The following DCAF6 variants were observed in gnomAD, a reference collection of about 807,000 sequenced individuals.
The protein encoded by DCAF6 is DDB1 and CUL4 associated factor 6, also known as DDB1- and CUL4-associated factor 6.
In DCAF6, 54 loss-of-function variants were observed where a neutral mutation model predicts 125.1. The observed-to-expected ratio is 0.43, with a 90% CI of 0.35 to 0.54. The LOEUF is 0.54. Among genes scored for constraint, DCAF6 ranks in the 20% least tolerant of loss-of-function variants. The pLI is 0.01. For missense variants in DCAF6, 934 were observed against 1,161.7 expected, an observed-to-expected ratio of 0.80 and a Z score of 2.85; for synonymous variants, 371 against 390.4, an observed-to-expected ratio of 0.95 and a Z score of 0.58.
chr1:167,880,241 C>A, the DCAF6 span: 1 of 1,496,246 alleles, frequency 6.7e-7, no homozygotes, highest in Non-Finnish European at 9.3e-7. Context: ...AGATAATGAG[C>A]GTAGAGAAAG....
the DCAF6 span, among the ~76,000 whole-genome samples, chr1:167,879,070 C>T: frequency 1.3e-5 from 2 of 152,110 alleles, no homozygotes; most frequent in East Asian, 1.9e-4. Flanking sequence ...CTTCATTTGG[C>T]GATTTCTCGA....
the DCAF6 span, among the ~76,000 whole-genome samples, chr1:167,925,762 T>C: frequency 6.6e-6 from 1 of 151,888 alleles, no homozygotes; most frequent in Non-Finnish European, 1.5e-5. Context: ...TTGGCCAGGC[T>C]GGTCTCAAAC....
At chr1:167,965,064 T>C (rs895684870) in intron 2 of DCAF6, among the ~76,000 whole-genome samples, 2 of 152,210 alleles carry the variant, frequency 1.3e-5, no homozygotes, top group Non-Finnish European at 2.9e-5. Context: ...TCCCTTCAAA[T>C]TGTATTTTTG....
At chr1:168,031,776 G>A (rs1164175340) in intron 12 of DCAF6, among the ~76,000 whole-genome samples, 1 of 152,064 alleles carries the variant, frequency 6.6e-6, no homozygotes, top group Non-Finnish European at 1.5e-5. Flanking sequence ...GATTTTGGCA[G>A]GACTCATGTG....
intron 1 of DCAF6, 134 bp downstream of exon 1, chr1:167,937,142 C>A (rs1187232352): frequency 4.2e-6 from 3 of 715,392 alleles, no homozygotes; most frequent in African/African-American, 1.8e-5. Flanking sequence ...TTGGGTGGGG[C>A]CTTGGTTGCC....
chr1:167,895,279 T>C, the DCAF6 span, among the ~76,000 whole-genome samples: 1 of 151,898 alleles, frequency 6.6e-6, no homozygotes, highest in Non-Finnish European at 1.5e-5. Flanking sequence ...ACCCAGGAGA[T>C]GGCATTAGTA....
At chr1:167,882,484 CAAAAAAAAAA>C in the DCAF6 span, among the ~76,000 whole-genome samples, 6 of 71,142 alleles carry the variant, frequency 8.4e-5, no homozygotes, top group African/African-American at 2.0e-4. Context: ...GATTCCGTCT[CAAAAAAAAAA>C]AAAAAAAAAA....
At chr1:167,944,390 A>G (rs574491851) in intron 1 of DCAF6, among the ~76,000 whole-genome samples, 6 of 152,330 alleles carry the variant, frequency 3.9e-5, no homozygotes, top group Non-Finnish European at 7.3e-5. Context: ...AGAAATCTCC[A>G]TACTGTTTTC....
chr1:167,891,668 A>AAAAG, the DCAF6 span, among the ~76,000 whole-genome samples: 1 of 151,504 alleles, frequency 6.6e-6, no homozygotes, highest in African/African-American at 2.4e-5. Flanking sequence ...AAAAAAAAAA[A>AAAAG]AAAGAAAGAA....
Position 168,004,777 on chromosome 1 carries a change from C to T in DCAF6, c.1362C>T (p.His454=), listed in dbSNP as rs1193424301. 1 of 1,613,906 alleles carries T rather than the reference C, an allele frequency of 6.2e-7. No individual in the cohort carries two copies. Among genetic ancestry groups the T allele is most frequent in the African/African-American group, 1.3e-5 (1 of 75,044 alleles). Residue 454 remains histidine (H), a synonymous_variant, in exon 10 of 22, where the codon CAC becomes CAT. Coordinates refer to ENST00000367840, the MANE Select transcript of DCAF6 (RefSeq NM_001198956.2). ...AGTCTGTTGAGGCATCTGGACACCACACACATCATCAGTCTGGTGAGGATA... is the reference window on the plus strand; with the variant it reads ...AGTCTGTTGAGGCATCTGGACACCATACACATCATCAGTCTGGTGAGGATA... ...QRQSVEASGH[H]THHQSEFLRG... is the part of the protein sequence containing the mutation.
intron 10 of DCAF6, among the ~76,000 whole-genome samples, chr1:168,007,278 C>CT (rs1014525475): frequency 9.9e-5 from 15 of 152,090 alleles, no homozygotes; most frequent in East Asian, 1.9e-4. Flanking sequence ...TTATCATTGC[C>CT]TTTTTTTGCC....
the DCAF6 span, among the ~76,000 whole-genome samples, chr1:167,921,608 T>C: frequency 6.6e-6 from 1 of 152,214 alleles, no homozygotes; most frequent in Non-Finnish European, 1.5e-5. Flanking sequence ...ATTGCACTCA[T>C]GCGTTTTTGC....
chr1:167,880,813 C>T, the DCAF6 span, among the ~76,000 whole-genome samples: 1 of 152,164 alleles, frequency 6.6e-6, no homozygotes, highest in Non-Finnish European at 1.5e-5. Context: ...TTGAGAAGGG[C>T]TTGTTTTGCT....
At chr1:168,026,029 AC>A (rs2103266723) in intron 12 of DCAF6, among the ~76,000 whole-genome samples, 1 of 152,004 alleles carries the variant, frequency 6.6e-6, no homozygotes, top group Non-Finnish European at 1.5e-5. Context: ...CTCTACCAAA[AC>A]TACTTTTTTG....
chr1:168,038,030 A>C (rs1688065412), intron 12 of DCAF6, among the ~76,000 whole-genome samples: 1 of 152,208 alleles, frequency 6.6e-6, no homozygotes. Context: ...CTGAGGAATT[A>C]TGAGCATTCC....
At chr1:167,878,139 G>T in the DCAF6 span, among the ~76,000 whole-genome samples, 1 of 152,144 alleles carries the variant, frequency 6.6e-6, no homozygotes, top group African/African-American at 2.4e-5. Flanking sequence ...TAAATGGTTG[G>T]TGATTGGGCC....
intron 12 of DCAF6, among the ~76,000 whole-genome samples, chr1:168,036,831 A>G (rs1190601296): frequency 2.0e-5 from 3 of 152,368 alleles, no homozygotes; most frequent in Non-Finnish European, 4.4e-5. Context: ...GAGTTGTTTA[A>G]AAGACATAAT....
Position 167,937,145 on chromosome 1 carries a change from T to C in DCAF6, c.97+137T>C. ...GACTCTGGGGTGTTGGGTGGGGCCTTGGTTGCCGAATTCCGTGCCGGTGCC... is the reference window on the plus strand; with the variant it reads ...GACTCTGGGGTGTTGGGTGGGGCCTCGGTTGCCGAATTCCGTGCCGGTGCC... On this transcript the variant is annotated intron_variant, in intron 1 of 21. Coordinates refer to ENST00000367840, the MANE Select transcript of DCAF6 (RefSeq NM_001198956.2). The C allele has an allele frequency of 5.7e-6, 4 of 706,344 alleles. 1 individual carries two copies. The highest frequency in any genetic ancestry group is 9.7e-6 in the Non-Finnish European group (4 of 413,832). The allele number at this position is 706,344 out of a possible 1,614,324, so 43.8% of individuals were successfully genotyped here.
intron 18 of DCAF6, among the ~76,000 whole-genome samples, chr1:168,065,113 A>AC (rs1250297572): frequency 6.6e-6 from 1 of 152,162 alleles, no homozygotes; most frequent in Non-Finnish European, 1.5e-5. Flanking sequence ...ACTGCCCAAA[A>AC]CCCAGAAATC....
Sources: allele counts gnomAD v4.1 joint callset (sites outside exome capture counted in the v4.1 genomes callset), GRCh38; gene constraint gnomAD v4.1.1; transcripts MANE v1.5; gene names NCBI Gene and HGNC (gene_info 2026-07-23, HGNC 2026-07-21).